The following SLC35A1 variants were observed in gnomAD, a reference collection of about 807,000 sequenced individuals.
The protein encoded by SLC35A1 is solute carrier family 35 member A1.
SLC35A1 carries 21 observed loss-of-function variants against 40.3 expected under a neutral mutation model. The observed-to-expected ratio is 0.52, with a 90% CI of 0.37 to 0.75. SLC35A1 has a LOEUF of 0.75. Ranked by LOEUF, SLC35A1 falls within the 30% of genes least tolerant of loss-of-function variation. The probability of loss-of-function intolerance (pLI) is 0.00; values close to 1 mark genes in which losing one functional copy is unlikely to be tolerated. For missense variants in SLC35A1, 297 were observed against 382.1 expected (o/e 0.78, Z 1.86); for synonymous variants, 146 against 147.3 (o/e 0.99, Z 0.06).
intron 4 of SLC35A1, among the ~76,000 whole-genome samples, chr6:87,504,269 AAG>A (rs1770012408): frequency 6.6e-6 from 1 of 151,684 alleles, no homozygotes; most frequent in African/African-American, 2.4e-5. Context: ...CTGTCTCAAA[AAG>A]AAAAAAAAAA....
intron 2 of SLC35A1, among the ~76,000 whole-genome samples, chr6:87,484,167 T>TGC (rs1769327243): frequency 6.6e-6 from 1 of 152,172 alleles, no homozygotes; most frequent in African/African-American, 2.4e-5. Context: ...CTTTCTGTGT[T>TGC]GCTGAGAGCT....
intron 2 of SLC35A1, among the ~76,000 whole-genome samples, chr6:87,483,195 C>G (rs1320221130): frequency 6.6e-6 from 1 of 152,004 alleles, no homozygotes; most frequent in Non-Finnish European, 1.5e-5. Context: ...CTCTCTGACT[C>G]TCTGTCTCTT....
chr6:87,506,756 A>G, intron 5 of SLC35A1: 1 of 341,180 alleles, frequency 2.9e-6, no homozygotes, highest in South Asian at 2.9e-5. Context: ...AGTCTTCAGA[A>G]AGCCCTTTCC....
intron 2 of SLC35A1, among the ~76,000 whole-genome samples, chr6:87,481,832 C>T (rs1395483809): frequency 6.6e-6 from 1 of 152,150 alleles, no homozygotes; most frequent in Non-Finnish European, 1.5e-5. Context: ...GATGATACCC[C>T]TTTAACTTTA....
chr6:87,503,726 TAAC>T (rs1248148184), intron 4 of SLC35A1, among the ~76,000 whole-genome samples: 2 of 152,146 alleles, frequency 1.3e-5, no homozygotes, highest in East Asian at 1.9e-4. Context: ...ATAATAATAA[TAAC>T]AATAATATGC....
At chr6:87,490,102 A>G (rs1769503700) in intron 2 of SLC35A1, among the ~76,000 whole-genome samples, 1 of 151,366 alleles carries the variant, frequency 6.6e-6, no homozygotes, top group Non-Finnish European at 1.5e-5. Context: ...GGTGGTGTGC[A>G]CCTTTAGTCC....
At chr6:87,504,545 C>T (rs1450161831) in intron 4 of SLC35A1, among the ~76,000 whole-genome samples, 1 of 152,132 alleles carries the variant, frequency 6.6e-6, no homozygotes, top group Non-Finnish European at 1.5e-5. Context: ...TTCTCACGAG[C>T]CATGGAATTC....
At chr6:87,510,342 TATAG>T (rs1378047573) in intron 7 of SLC35A1, among the ~76,000 whole-genome samples, 1 of 152,208 alleles carries the variant, frequency 6.6e-6, no homozygotes, top group Non-Finnish European at 1.5e-5. Context: ...ATAAGAAATA[TATAG>T]GAACAGTAGA....
chr6:87,499,191 T>G (rs1769837287), intron 2 of SLC35A1: 1 of 848,872 alleles, frequency 1.2e-6, no homozygotes, highest in Non-Finnish European at 1.4e-6. Flanking sequence ...TATAATGGAC[T>G]TTTGCTTTCT....
chr6:87,498,763 C>A (rs1189376650), intron 2 of SLC35A1, among the ~76,000 whole-genome samples: 1 of 151,966 alleles, frequency 6.6e-6, no homozygotes. Context: ...GAGAAAGACT[C>A]CGTCTCAAAA....
chr6:87,484,287 G>T (rs555549100), intron 2 of SLC35A1, among the ~76,000 whole-genome samples: 8 of 152,326 alleles, frequency 5.3e-5, no homozygotes, highest in Admixed American at 3.9e-4. Flanking sequence ...CTCTGGAGGG[G>T]AATGTAATCC....
intron 2 of SLC35A1, among the ~76,000 whole-genome samples, chr6:87,491,056 A>G (rs575105429): frequency 6.6e-6 from 1 of 152,358 alleles, no homozygotes; most frequent in East Asian, 1.9e-4. Flanking sequence ...ACAAGCTGGT[A>G]AATACAGCTT....
intron 2 of SLC35A1, among the ~76,000 whole-genome samples, chr6:87,498,540 G>C (rs552218946): frequency 2.0e-5 from 3 of 152,178 alleles, no homozygotes; most frequent in African/African-American, 7.2e-5. Context: ...TTGGGAGGCC[G>C]AGGCAGGAGG....
chr6:87,484,569 G>A (rs1769341569), intron 2 of SLC35A1, among the ~76,000 whole-genome samples: 2 of 152,162 alleles, frequency 1.3e-5, no homozygotes. Context: ...AATTTAAAGA[G>A]AGTAACGGGG....
intron 2 of SLC35A1, among the ~76,000 whole-genome samples, chr6:87,478,884 G>T (rs1043894239): frequency 6.6e-6 from 1 of 152,190 alleles, no homozygotes; most frequent in African/African-American, 2.4e-5. Flanking sequence ...CTGGACAAGG[G>T]AGGAAAAGGG....
chr6:87,476,136 T>C (rs1334855347), intron 1 of SLC35A1, among the ~76,000 whole-genome samples: 1 of 152,170 alleles, frequency 6.6e-6, no homozygotes, highest in Non-Finnish European at 1.5e-5. Flanking sequence ...AGATGGCTGC[T>C]GCTCAGATAT....
intron 2 of SLC35A1, among the ~76,000 whole-genome samples, 159 bp downstream of exon 2, chr6:87,477,698 A>G (rs1259210346): frequency 6.6e-6 from 1 of 152,204 alleles, no homozygotes; most frequent in African/African-American, 2.4e-5. Flanking sequence ...AGTTGTCACA[A>G]CTTGAGAGAT....
intron 7 of SLC35A1, among the ~76,000 whole-genome samples, chr6:87,510,807 G>A (rs1281503069): frequency 6.6e-6 from 1 of 151,766 alleles, no homozygotes; most frequent in Non-Finnish European, 1.5e-5. Flanking sequence ...GGAGGCAGAG[G>A]TTGCGGTGAG....
At chr6:87,482,495 G>GT (rs1028010541) in intron 2 of SLC35A1, among the ~76,000 whole-genome samples, 9 of 152,178 alleles carry the variant, frequency 5.9e-5, no homozygotes, top group African/African-American at 2.2e-4. Context: ...TCCTGATTCT[G>GT]TAAGTACTTT....
Sources: gnomAD v4.1 joint callset for allele counts (sites outside exome capture counted in the v4.1 genomes callset) on GRCh38, gnomAD v4.1.1 for gene constraint, MANE v1.5 for transcripts, NCBI Gene and HGNC (gene_info 2026-07-23, HGNC 2026-07-21) for gene names.